Variants in ADK observed in about 807,000 individuals in gnomAD.
The protein encoded by ADK is adenosine kinase.
Under a neutral mutation model 44.7 loss-of-function variants are expected in ADK, and 24 were observed. That is an observed-to-expected ratio of 0.54 (90% CI 0.39 to 0.76). The LOEUF (loss-of-function observed/expected upper bound fraction) is 0.76, where lower values mean the gene tolerates loss of function less well. Ranked by LOEUF, ADK falls within the 30% of genes least tolerant of loss-of-function variation. ADK has a pLI of 0.00. For synonymous variants in ADK, 128 were observed against 142.6 expected, an observed-to-expected ratio of 0.90 and a Z score of 0.73; for missense variants, 321 against 425.1, an observed-to-expected ratio of 0.76 and a Z score of 2.15.
intron 4 of ADK, among the ~76,000 whole-genome samples, chr10:74,391,674 C>CACACAG (rs1843337529): frequency 6.6e-6 from 1 of 151,070 alleles, no homozygotes; most frequent in Non-Finnish European, 1.5e-5. Context: ...CACACACACA[C>CACACAG]ACACACACAC....
chr10:74,471,389 G>A (rs993876990), intron 6 of ADK, among the ~76,000 whole-genome samples: 1 of 152,114 alleles, frequency 6.6e-6, no homozygotes, highest in Non-Finnish European at 1.5e-5. Flanking sequence ...GTACTATACT[G>A]TTTTGATTGC....
At chr10:74,530,323 T>TC (rs1849232198) in intron 7 of ADK, among the ~76,000 whole-genome samples, 1 of 151,870 alleles carries the variant, frequency 6.6e-6, no homozygotes, top group African/African-American at 2.4e-5. Context: ...CTTTAATATT[T>TC]CCCCCCTCAA....
At chr10:74,700,377 G>A (rs1856375747) in intron 10 of ADK, among the ~76,000 whole-genome samples, 1 of 152,046 alleles carries the variant, frequency 6.6e-6, no homozygotes, top group Admixed American at 6.6e-5. Context: ...CAAGTGGCTG[G>A]GATTACAGGC....
chr10:74,302,137 T>TTTTTTTTTTTTTG (rs1840078403), intron 3 of ADK, among the ~76,000 whole-genome samples: 1 of 103,822 alleles, frequency 9.6e-6, no homozygotes, highest in African/African-American at 3.7e-5. Flanking sequence ...TTTTTTTTTT[T>TTTTTTTTTTTTTG]TTTTTTTTTG....
intron 6 of ADK, among the ~76,000 whole-genome samples, chr10:74,401,046 T>A (rs1296238349): frequency 6.6e-6 from 1 of 152,246 alleles, no homozygotes; most frequent in Non-Finnish European, 1.5e-5. Flanking sequence ...TTTTTTACCT[T>A]TCATAATAAA....
chr10:74,271,626 T>C (rs894219708), intron 3 of ADK, among the ~76,000 whole-genome samples: 1 of 101,728 alleles, frequency 9.8e-6, no homozygotes, highest in African/African-American at 3.8e-5. Flanking sequence ...TGTGTTCTCA[T>C]TGTTCAATTC....
At chr10:74,368,827 C>T (rs1469691701) in intron 4 of ADK, among the ~76,000 whole-genome samples, 1 of 152,000 alleles carries the variant, frequency 6.6e-6, no homozygotes, top group Non-Finnish European at 1.5e-5. Context: ...GGAGTTTCAC[C>T]ATGTTGGCCA....
intron 3 of ADK, among the ~76,000 whole-genome samples, chr10:74,238,525 A>G (rs114752784): frequency 2.4e-3 from 371 of 152,322 alleles, no homozygotes; most frequent in African/African-American, 8.3e-3. Context: ...TGCACTAAAA[A>G]AATTTAAAAA....
chr10:74,493,462 GAAGAGATATATAT>G (rs1264754753), intron 6 of ADK, among the ~76,000 whole-genome samples: 2 of 149,954 alleles, frequency 1.3e-5, no homozygotes, highest in Non-Finnish European at 3.0e-5. Context: ...CATCTATATA[GAAGAGATATATAT>G]AGAGAGATAT....
chr10:74,679,311 G>A (rs891286535), intron 10 of ADK, among the ~76,000 whole-genome samples: 1 of 152,202 alleles, frequency 6.6e-6, no homozygotes, highest in East Asian at 1.9e-4. Context: ...GCAGGGGCAA[G>A]AAAGTAAATT....
chr10:74,151,486 C>A, intron 1 of ADK, 143 bp downstream of exon 1: 1 of 886,582 alleles, frequency 1.1e-6, no homozygotes, highest in Non-Finnish European at 1.8e-6. Flanking sequence ...CAGCTGCCCG[C>A]TTGGCCGCGA....
chr10:74,509,998 G>T lies in ADK; in HGVS notation c.556-15258G>T, dbSNP rs530191939. Reference sequence around the variant, plus strand: ...CCATTCATTTGTTGTTGGACACCTAGGTTTGTTCCATATCTTGGCTATTGT... The same window carrying T: ...CCATTCATTTGTTGTTGGACACCTATGTTTGTTCCATATCTTGGCTATTGT... On this transcript the variant is annotated intron_variant, in intron 6 of 10. Coordinates refer to ENST00000539909, the MANE Select transcript of ADK (RefSeq NM_006721.4). Among the ~76,000 whole-genome samples, 30 of 152,206 alleles carry T rather than the reference G, an allele frequency of 2.0e-4. No individual in the cohort carries two copies. In the South Asian group the frequency reaches 6.2e-3, roughly 32 times the overall value.
intron 9 of ADK, among the ~76,000 whole-genome samples, chr10:74,643,790 T>A (rs1853958848): frequency 6.6e-6 from 1 of 152,222 alleles, no homozygotes. Context: ...TTTATCTTCA[T>A]CTAAGTTTAA....
intron 6 of ADK, among the ~76,000 whole-genome samples, chr10:74,518,298 G>A (rs1848675133): frequency 6.6e-6 from 1 of 152,164 alleles, no homozygotes; most frequent in African/African-American, 2.4e-5. Context: ...CCTCATCAGT[G>A]CTAGTCTAGG....
intron 9 of ADK, among the ~76,000 whole-genome samples, chr10:74,630,223 T>C (rs895720362): frequency 5.3e-5 from 8 of 152,052 alleles, no homozygotes; most frequent in Non-Finnish European, 7.4e-5. Context: ...AGGTAGAATT[T>C]TTGTCAAATA....
chr10:74,553,432 C>T (rs1170415353), intron 7 of ADK, among the ~76,000 whole-genome samples: 2 of 151,968 alleles, frequency 1.3e-5, no homozygotes, highest in Non-Finnish European at 2.9e-5. Flanking sequence ...ATCTCTTGAC[C>T]TCATGATCTG....
intron 9 of ADK, among the ~76,000 whole-genome samples, chr10:74,636,043 A>C (rs1393009003): frequency 2.6e-5 from 4 of 152,082 alleles, no homozygotes; most frequent in Admixed American, 2.6e-4. Flanking sequence ...GTCAGCCGTG[A>C]TCACACCATT....
intron 1 of ADK, among the ~76,000 whole-genome samples, chr10:74,154,201 T>C (rs1437329494): frequency 1.3e-5 from 2 of 152,158 alleles, no homozygotes; most frequent in Non-Finnish European, 2.9e-5. Flanking sequence ...CCAGGCTTTG[T>C]ATTAGACACT....
intron 3 of ADK, among the ~76,000 whole-genome samples, chr10:74,260,219 T>C (rs1235686107): frequency 6.6e-6 from 1 of 152,226 alleles, no homozygotes; most frequent in African/African-American, 2.4e-5. Context: ...CAGTGCTTAT[T>C]GTGGTTGTCT....
Sources: allele counts gnomAD v4.1 joint callset (sites outside exome capture counted in the v4.1 genomes callset), GRCh38; gene constraint gnomAD v4.1.1; transcripts MANE v1.5; gene names NCBI Gene and HGNC (gene_info 2026-07-23, HGNC 2026-07-21).